The following ADGRL2 variants were observed in gnomAD, a reference collection of about 807,000 sequenced individuals.
The protein encoded by ADGRL2 is calcium-independent alpha-latrotoxin receptor 2.
ADGRL2 carries 44 observed loss-of-function variants against 157.4 expected under a neutral mutation model. The observed-to-expected ratio is 0.28, with a 90% CI of 0.22 to 0.36. ADGRL2 has a LOEUF of 0.36. ADGRL2 is among the 10% of genes least tolerant of loss of function. The probability of loss-of-function intolerance (pLI) is 1.00; values close to 1 mark genes in which losing one functional copy is unlikely to be tolerated. For synonymous variants in ADGRL2, 585 were observed against 624.7 expected (o/e 0.94, Z 0.95); for missense variants, 1,510 against 1,768.9 (o/e 0.85, Z 2.63).
At chr1:81,593,956 A>G (rs1334504153) in intron 3 of ADGRL2, among the ~76,000 whole-genome samples, 2 of 152,214 alleles carry the variant, frequency 1.3e-5, no homozygotes, top group African/African-American at 4.8e-5. Context: ...CTTCAAAAAT[A>G]GAGGCTTCTA....
intron 2 of ADGRL2, among the ~76,000 whole-genome samples, chr1:81,481,378 G>A (rs969458024): frequency 6.6e-6 from 1 of 152,196 alleles, no homozygotes; most frequent in Non-Finnish European, 1.5e-5. Context: ...GAAATTAGAA[G>A]GATGCAATAA....
intron 1 of ADGRL2, among the ~76,000 whole-genome samples, chr1:81,331,243 T>C (rs1355154355): frequency 6.6e-6 from 1 of 152,102 alleles, no homozygotes; most frequent in Non-Finnish European, 1.5e-5. Context: ...TAAAAAGAAA[T>C]ATGCAAGAAT....
At chr1:81,548,151 G>A (rs918125359) in intron 2 of ADGRL2, among the ~76,000 whole-genome samples, 6 of 152,054 alleles carry the variant, frequency 3.9e-5, no homozygotes, top group African/African-American at 4.8e-5. Context: ...AACTACACAC[G>A]TAACTGAAGA....
intron 3 of ADGRL2, among the ~76,000 whole-genome samples, chr1:81,636,303 G>T (rs1306442817): frequency 1.3e-5 from 2 of 151,998 alleles, no homozygotes; most frequent in Non-Finnish European, 2.9e-5. Context: ...GTATGTGTGT[G>T]TATGTATGTA....
intron 2 of ADGRL2, among the ~76,000 whole-genome samples, chr1:81,447,078 T>G (rs2101712715): frequency 6.6e-6 from 1 of 152,204 alleles, no homozygotes; most frequent in East Asian, 1.9e-4. Context: ...AACATAAATT[T>G]TACTATTAAA....
Position 81,952,094 on chromosome 1 carries a change from G to A in ADGRL2, c.1746G>A (p.Gln582=). 6.2e-7 allele frequency: 1 copy of A among 1,613,348 alleles called. No individual in the cohort carries two copies. The highest frequency in any genetic ancestry group is 1.7e-4 in the Middle Eastern group (1 of 6,056). The change falls in exon 9 of 24, where the codon CAG becomes CAA. Residue 582 remains glutamine (Q), a synonymous_variant. Transcript: ENST00000686636. The part of the protein sequence containing the change: ...QLVDILDAQL[Q]ELKPSEKDSA... Reference sequence around the variant, plus strand: ...TGGACATCCTTGATGCACAGCTGCAGGAACTGAAACCTAGTGAAAAAGATT... The same window carrying A: ...TGGACATCCTTGATGCACAGCTGCAAGAACTGAAACCTAGTGAAAAAGATT...
intron 1 of ADGRL2, among the ~76,000 whole-genome samples, chr1:81,423,799 A>G (rs2077166499): frequency 6.6e-6 from 1 of 152,214 alleles, no homozygotes; most frequent in Non-Finnish European, 1.5e-5. Context: ...ATCACAGACA[A>G]CATCATTCAA....
At chr1:81,448,946 A>ATAT (rs1308365039) in intron 2 of ADGRL2, among the ~76,000 whole-genome samples, 2 of 152,220 alleles carry the variant, frequency 1.3e-5, no homozygotes, top group Non-Finnish European at 1.5e-5. Context: ...TATACTTTAC[A>ATAT]GTTTATTTAT....
chr1:81,475,734 G>A (rs1337023112), intron 2 of ADGRL2, among the ~76,000 whole-genome samples: 6 of 152,108 alleles, frequency 3.9e-5, no homozygotes, highest in Non-Finnish European at 8.8e-5. Context: ...TAAAGACTGG[G>A]ACAAGTAGAT....
At chr1:81,322,415 G>A (rs752338093) in intron 1 of ADGRL2, among the ~76,000 whole-genome samples, 3 of 151,956 alleles carry the variant, frequency 2.0e-5, no homozygotes, top group Non-Finnish European at 2.9e-5. Flanking sequence ...GCGTAATGAT[G>A]TATATCAGTT....
chr1:81,970,644 T>C (rs1321551743), intron 16 of ADGRL2, 110 bp downstream of exon 16: 2 of 778,670 alleles, frequency 2.6e-6, no homozygotes. Context: ...AAAGCTTTAT[T>C]GGTAAGAGAA....
intron 3 of ADGRL2, among the ~76,000 whole-genome samples, chr1:81,616,679 C>CTTTTTCT (rs2081659375): frequency 1.9e-5 from 2 of 105,988 alleles, no homozygotes; most frequent in Non-Finnish European, 3.7e-5. Context: ...CTTTTCTTTT[C>CTTTTTCT]TTTTTTTTTT....
chr1:81,320,304 A>G (rs769102747), intron 1 of ADGRL2, among the ~76,000 whole-genome samples: 2 of 152,216 alleles, frequency 1.3e-5, no homozygotes, highest in Admixed American at 1.3e-4. Flanking sequence ...AAAGTCATCT[A>G]TGACAGTAGA....
intron 3 of ADGRL2, among the ~76,000 whole-genome samples, chr1:81,931,752 C>A (rs1262881244): frequency 1.3e-5 from 2 of 152,018 alleles, no homozygotes; most frequent in African/African-American, 4.8e-5. Context: ...ACCTCAGTCT[C>A]CCCCAAGTAG....
chr1:81,463,085 G>A (rs149714766), intron 2 of ADGRL2, among the ~76,000 whole-genome samples: 142 of 145,928 alleles, frequency 9.7e-4, no homozygotes, highest in African/African-American at 3.5e-3. Flanking sequence ...ACTGCATTCC[G>A]GCCTGGGCAA....
intron 1 of ADGRL2, among the ~76,000 whole-genome samples, chr1:81,828,221 A>G (rs2091661990): frequency 6.6e-6 from 1 of 152,192 alleles, no homozygotes; most frequent in Non-Finnish European, 1.5e-5. Flanking sequence ...CACAGACCAT[A>G]TCACTCTTAA....
intron 2 of ADGRL2, among the ~76,000 whole-genome samples, chr1:81,524,646 A>G (rs1267692726): frequency 6.6e-6 from 1 of 152,222 alleles, no homozygotes; most frequent in Non-Finnish European, 1.5e-5. Context: ...TCATGTATAA[A>G]TACTAAACAT....
chr1:81,734,223 G>T (rs552912915), intron 1 of ADGRL2, among the ~76,000 whole-genome samples: 3 of 144,986 alleles, frequency 2.1e-5, no homozygotes, highest in African/African-American at 7.7e-5. Flanking sequence ...GTTGCAATGA[G>T]CCGAGATCAC....
At chr1:81,714,013 A>G (rs2084025004) in intron 1 of ADGRL2, among the ~76,000 whole-genome samples, 1 of 152,222 alleles carries the variant, frequency 6.6e-6, no homozygotes, top group Non-Finnish European at 1.5e-5. Flanking sequence ...ACATGGCAGC[A>G]GGCAAGAGGG....
Sources: gnomAD v4.1 joint callset for allele counts (sites outside exome capture counted in the v4.1 genomes callset) on GRCh38, gnomAD v4.1.1 for gene constraint, MANE v1.5 for transcripts, NCBI Gene and HGNC (gene_info 2026-07-23, HGNC 2026-07-21) for gene names.